The following SNX29 variants were observed in gnomAD, a reference collection of about 807,000 sequenced individuals.
SNX29 encodes sorting nexin 29.
In SNX29, 78 loss-of-function variants were observed where a neutral mutation model predicts 102.1. The ratio of observed to expected loss-of-function variants is 0.76; its 90% confidence interval spans 0.64 to 0.92. SNX29 has a LOEUF of 0.92. Among genes scored for constraint, SNX29 ranks in the 40% least tolerant of loss-of-function variants. SNX29 has a pLI of 0.00. For missense variants in SNX29, 1,280 were observed against 1,061.7 expected (o/e 1.21, Z -2.86); for synonymous variants, 580 against 414.5 (o/e 1.40, Z -4.85).
intron 18 of SNX29, among the ~76,000 whole-genome samples, chr16:12,410,139 C>G (rs920078308): frequency 2.0e-5 from 3 of 151,916 alleles, no homozygotes; most frequent in Non-Finnish European, 4.4e-5. Flanking sequence ...GGAGTACAGG[C>G]ACCCATCACC....
At chr16:12,307,048 C>T (rs573054122) in intron 15 of SNX29, among the ~76,000 whole-genome samples, 1 of 152,138 alleles carries the variant, frequency 6.6e-6, no homozygotes, top group Admixed American at 6.5e-5. Flanking sequence ...GAGGGGAGTT[C>T]CCTGAATTGG....
intron 18 of SNX29, among the ~76,000 whole-genome samples, chr16:12,408,186 A>C (rs1253477592): frequency 5.9e-5 from 9 of 151,634 alleles, no homozygotes; most frequent in African/African-American, 2.2e-4. Flanking sequence ...ACAAAAAAAA[A>C]ACTAGAAGCA....
chr16:12,367,105 C>T (rs1168219651), intron 16 of SNX29: 1 of 152,248 alleles, frequency 6.6e-6, no homozygotes, highest in African/African-American at 2.4e-5. Context: ...CATTGCCTGC[C>T]TTCCAGCATA....
intron 13 of SNX29, among the ~76,000 whole-genome samples, chr16:12,190,863 G>A (rs916671672): frequency 6.6e-6 from 1 of 152,152 alleles, no homozygotes; most frequent in African/African-American, 2.4e-5. Flanking sequence ...GATGACGCTG[G>A]GGGAAAGTGC....
intron 16 of SNX29, among the ~76,000 whole-genome samples, chr16:12,396,227 C>T (rs1039950391): frequency 6.6e-6 from 1 of 152,160 alleles, no homozygotes. Flanking sequence ...TTTGAAGAAG[C>T]CCTTTGTTTT....
At chr16:12,563,909 A>C (rs759860662) in intron 20 of SNX29, among the ~76,000 whole-genome samples, 41 of 152,204 alleles carry the variant, frequency 2.7e-4, no homozygotes, top group Middle Eastern at 3.2e-3. Flanking sequence ...TGGAGCAGGC[A>C]GCCGAAGACC....
At chr16:12,193,881 A>G (rs1437751844) in intron 13 of SNX29, among the ~76,000 whole-genome samples, 1 of 152,166 alleles carries the variant, frequency 6.6e-6, no homozygotes, top group Non-Finnish European at 1.5e-5. Context: ...CATTGGCTTG[A>G]GGGCTGTAGC....
At chr16:12,202,643 G>A (rs139259124) in intron 14 of SNX29, among the ~76,000 whole-genome samples, 1 of 152,348 alleles carries the variant, frequency 6.6e-6, no homozygotes, top group Non-Finnish European at 1.5e-5. Flanking sequence ...CGGAGCCAGT[G>A]TAGGGAAGTT....
rs958808072 is a variant in SNX29, at chr16:12,230,820, G to A, written c.1678+31137G>A. ...AAATGTTTCTCCCTTGTAATAAGTC[G>A]TATGTATGTATGTATGTATGTATGT... is the stretch of plus-strand genomic sequence containing the variant. On this transcript the variant is annotated intron_variant, in intron 14 of 20. Coordinates refer to ENST00000566228, the MANE Select transcript of SNX29 (RefSeq NM_032167.5). Among the ~76,000 whole-genome samples the A allele has an allele frequency of 5.5e-5, 7 of 128,292 alleles. No homozygotes were observed. The South Asian group carries it at 1.7e-3, about 31-fold the overall frequency. The allele number at this position is 128,292 out of a possible 152,430, so 84.2% of individuals were successfully genotyped here. A position where few individuals can be genotyped will look rare whatever the true frequency, so the allele number is the denominator to read the frequency against.
At chr16:12,424,087 CAG>C (rs2084966835) in intron 18 of SNX29, among the ~76,000 whole-genome samples, 1 of 152,210 alleles carries the variant, frequency 6.6e-6, no homozygotes, top group South Asian at 2.1e-4. Flanking sequence ...GTTAGAGCCT[CAG>C]AGGCGTGATC....
chr16:12,522,625 C>T (rs1465976833), intron 19 of SNX29, among the ~76,000 whole-genome samples: 1 of 152,048 alleles, frequency 6.6e-6, no homozygotes. Context: ...TATGTGGCAC[C>T]TCCCGCTTCA....
At chr16:12,536,266 C>G (rs911056274) in intron 20 of SNX29, among the ~76,000 whole-genome samples, 4 of 152,010 alleles carry the variant, frequency 2.6e-5, no homozygotes, top group Admixed American at 6.6e-5. Context: ...CTTGCTGTGA[C>G]AGAGTTGAGG....
rs1008571526 is a variant in SNX29 at position 12,096,599 on chromosome 16, T to A, written c.1402+17684T>A. On this transcript the variant is annotated intron_variant, in intron 11 of 20. Transcript: ENST00000566228. This position sits in a 1 kb window ranked among gnomAD's most constrained non-coding sequence, Gnocchi z 4.2. ...CCCACAGAGCATTCTAGTGGAGTTTTATGGTAATAAAGAAATGATGAATGA... is the reference window on the plus strand; with the variant it reads ...CCCACAGAGCATTCTAGTGGAGTTTAATGGTAATAAAGAAATGATGAATGA... Among the ~76,000 whole-genome samples the A allele has an allele frequency of 3.3e-5, 5 of 152,186 alleles. No homozygotes were observed. The highest frequency in any genetic ancestry group is 1.2e-4 in the African/African-American group (5 of 41,420).
chr16:12,496,201 C>G (rs8062067), intron 19 of SNX29, among the ~76,000 whole-genome samples: 67,446 of 152,062 alleles, frequency 0.44, 15,420 homozygotes, highest in South Asian at 0.64. Context: ...GCAGTGTGAG[C>G]GCCCTAAAAT....
intron 13 of SNX29, among the ~76,000 whole-genome samples, chr16:12,197,012 CCA>C (rs2076792656): frequency 6.6e-6 from 1 of 152,156 alleles, no homozygotes; most frequent in Non-Finnish European, 1.5e-5. Context: ...TTAGTGCTGG[CCA>C]CAGAGTTGGA....
chr16:12,321,902 C>G (rs1260650608), intron 15 of SNX29, among the ~76,000 whole-genome samples: 1 of 152,084 alleles, frequency 6.6e-6, no homozygotes, highest in African/African-American at 2.4e-5. Flanking sequence ...GGTGGCCCAG[C>G]GTGGATGAGC....
chr16:12,483,346 C>A (rs1171187092), intron 19 of SNX29, among the ~76,000 whole-genome samples: 1 of 140,142 alleles, frequency 7.1e-6, no homozygotes, highest in African/African-American at 2.7e-5. Flanking sequence ...CAGACGGAGT[C>A]TTGCTCTATC....
At chr16:12,104,150 A>G (rs2141218310) in intron 11 of SNX29, among the ~76,000 whole-genome samples, 1 of 152,332 alleles carries the variant, frequency 6.6e-6, no homozygotes, top group South Asian at 2.1e-4. Context: ...GTGTTGTTTG[A>G]AAATCAAGGC....
At position 12,126,226 on chromosome 16, in the gene SNX29, A is replaced by G. The variant is rs372413719; in HGVS notation, c.1403-407A>G. Among the ~76,000 whole-genome samples the G allele has an allele frequency of 1.2e-4, 19 of 152,354 alleles. No individual in the cohort carries two copies. In the East Asian group the frequency reaches 2.9e-3, roughly 23 times the overall value. On this transcript the variant is annotated intron_variant, in intron 11 of 20. Transcript: ENST00000566228. ...CTGTTGCATTTCTGCAAAGACTTGT[A>G]GTGATACTGATCAGTAGTACTTGCT...
Sources: allele counts gnomAD v4.1 joint callset (sites outside exome capture counted in the v4.1 genomes callset), GRCh38; gene constraint gnomAD v4.1.1; non-coding constraint Gnocchi (gnomAD v3.1); transcripts MANE v1.5; gene names NCBI Gene and HGNC (gene_info 2026-07-23, HGNC 2026-07-21).